MBNL3: variants seen among roughly 807,000 people sequenced by gnomAD.
MBNL3 encodes the protein muscleblind like splicing regulator 3.
Under a neutral mutation model 24.5 loss-of-function variants are expected in MBNL3, and 6 were observed. That is an observed-to-expected ratio of 0.25 (90% CI 0.13 to 0.48). The LOEUF is 0.48. MBNL3 is among the 20% of genes least tolerant of loss of function. The pLI, the probability that MBNL3 is intolerant of heterozygous loss-of-function variation, is 0.99. For missense variants in MBNL3, 230 were observed against 293.5 expected (o/e 0.78, Z 1.58); for synonymous variants, 100 against 101.7 (o/e 0.98, Z 0.10).
At chrX:132,467,960 G>A (rs746961112) in intron 1 of MBNL3, among the ~76,000 whole-genome samples, 1 of 111,808 alleles carries the variant, frequency 8.9e-6, no homozygotes, top group East Asian at 2.8e-4. Context: ...GTCAATTTTT[G>A]ACCAAGCAGA....
At chrX:132,452,822 G>A (rs1946180189) in intron 1 of MBNL3, among the ~76,000 whole-genome samples, 1 of 112,474 alleles carries the variant, frequency 8.9e-6, no homozygotes, top group Non-Finnish European at 1.9e-5. Flanking sequence ...AGTTGGGGAG[G>A]TAAGAACAAC....
At chrX:132,449,739 C>T (rs1449370765) in intron 1 of MBNL3, among the ~76,000 whole-genome samples, 1 of 110,277 alleles carries the variant, frequency 9.1e-6, no homozygotes, top group African/African-American at 3.3e-5. Flanking sequence ...GTAGTTTCTT[C>T]ATAGTGTCGA....
At chrX:132,390,265 CAAAAAAAAAAAAAA>C (rs59093044) in intron 5 of MBNL3, among the ~76,000 whole-genome samples, 16 of 31,612 alleles carry the variant, frequency 5.1e-4, no homozygotes, top group Admixed American at 3.3e-3. Flanking sequence ...ACAACAACAA[CAAAAAAAAAAAAAA>C]AAAAAAAAAA....
At position 132,440,023 on chromosome X, in the gene MBNL3, G is replaced by A. The variant is rs1429258535; in HGVS notation, c.-412C>T. Among the ~76,000 whole-genome samples the A allele has an allele frequency of 9.0e-6, 1 of 111,338 alleles. No homozygotes were observed. Among genetic ancestry groups the A allele is most frequent in the Admixed American group, 9.6e-5 (1 of 10,434 alleles). ...TTTGTGGAATGGTCTCAGATCAGGG[G>A]GAGAAAAGTTTTTCTCCCTATTTAT... On this transcript the variant is annotated 5_prime_UTR_variant, in exon 2 of 9. Transcript: ENST00000370853.
rs1345394427 is a variant in MBNL3 at position 132,375,195 on chromosome X, T to C, written c.*4471A>G. 1 of 111,869 alleles carries C rather than the reference T, an allele frequency of 8.9e-6. No homozygotes were observed. The highest frequency in any genetic ancestry group is 9.5e-5 in the Admixed American group (1 of 10,518). 9.2% of individuals were successfully genotyped at this position (111,869 alleles called of 1,213,427 possible). On this transcript the variant is annotated 3_prime_UTR_variant, in exon 9 of 9. Transcript: ENST00000370853. Reference sequence around the variant, plus strand: ...AATCACCTATAGTTTACAAGTAAAATGTTCACATACACAAATGTCTAAAGG... The same window carrying C: ...AATCACCTATAGTTTACAAGTAAAACGTTCACATACACAAATGTCTAAAGG...
At chrX:132,413,501 C>A in intron 2 of MBNL3, 1 of 1,165,768 alleles carries the variant, frequency 8.6e-7, no homozygotes, top group Non-Finnish European at 1.1e-6. Flanking sequence ...TCTTAGAAGC[C>A]CTCTCCATGG....
intron 3 of MBNL3, 41 bp downstream of exon 3, chrX:132,406,187 T>G: frequency 8.3e-7 from 1 of 1,203,211 alleles, no homozygotes; most frequent in Non-Finnish European, 1.1e-6. Flanking sequence ...ATTCCACTGT[T>G]GATCTTTATC....
At chrX:132,411,758 C>T (rs941871446) in intron 2 of MBNL3, among the ~76,000 whole-genome samples, 1 of 111,656 alleles carries the variant, frequency 9.0e-6, no homozygotes, top group Non-Finnish European at 1.9e-5. Flanking sequence ...AAATTGTTTG[C>T]ATGCTTGTCT....
rs759848625 is a variant in MBNL3, at chrX:132,439,703, G to A, written c.-92C>T. 15 of 1,055,183 alleles carry A rather than the reference G, an allele frequency of 1.4e-5. No homozygotes were observed. The Admixed American group carries it at 1.9e-4, about 13-fold the overall frequency. The allele number at this position is 1,055,183 out of a possible 1,213,427, so 87.0% of individuals were successfully genotyped here. On this transcript the variant is annotated 5_prime_UTR_variant, in exon 2 of 9. Transcript: ENST00000370853. ...TTAAAAATGAATTCAAACTAAGTGC[G>A]AAGAGATAACAGGTTGCTTTGGTGA...
chrX:132,482,751 A>G (rs1345051844), intron 1 of MBNL3, among the ~76,000 whole-genome samples: 1 of 112,475 alleles, frequency 8.9e-6, no homozygotes, highest in East Asian at 2.8e-4. Flanking sequence ...AAGTCCCGCC[A>G]AAATCCAAGG....
At chrX:132,470,435 A>G (rs1267519498) in intron 1 of MBNL3, among the ~76,000 whole-genome samples, 2 of 111,310 alleles carry the variant, frequency 1.8e-5, no homozygotes, top group African/African-American at 6.5e-5. Flanking sequence ...AAGGAGAGTG[A>G]AATAGGAAAG....
chrX:132,398,016 C>T (rs141100359), intron 3 of MBNL3, among the ~76,000 whole-genome samples: 174 of 111,017 alleles, frequency 1.6e-3, no homozygotes, highest in South Asian at 2.7e-3. Flanking sequence ...GTCCCCATGG[C>T]TCTAGAGAGA....
At chrX:132,419,943 G>A (rs745908824) in intron 2 of MBNL3, among the ~76,000 whole-genome samples, 8 of 111,798 alleles carry the variant, frequency 7.2e-5, no homozygotes, top group Non-Finnish European at 1.5e-4. Flanking sequence ...TTTTTAAAAT[G>A]AGAAGATCAC....
intron 1 of MBNL3, among the ~76,000 whole-genome samples, chrX:132,475,818 C>CA (rs1173997821): frequency 1.8e-5 from 2 of 111,622 alleles, no homozygotes; most frequent in East Asian, 5.6e-4. Context: ...GAGCCAAAGT[C>CA]AAACTGCCTG....
chrX:132,484,066 C>T (rs1393722001), intron 1 of MBNL3, among the ~76,000 whole-genome samples: 2 of 110,559 alleles, frequency 1.8e-5, no homozygotes, highest in Admixed American at 9.6e-5. Flanking sequence ...GACTGATATC[C>T]CTGGGATGTG....
intron 2 of MBNL3, among the ~76,000 whole-genome samples, chrX:132,437,152 T>G (rs988187829): frequency 6.3e-5 from 7 of 111,850 alleles, no homozygotes; most frequent in African/African-American, 2.3e-4. Context: ...TGCCTTTAAA[T>G]GGAATTACTG....
At chrX:132,419,314 A>G (rs1943582085) in intron 2 of MBNL3, among the ~76,000 whole-genome samples, 1 of 111,754 alleles carries the variant, frequency 8.9e-6, no homozygotes, top group Admixed American at 9.5e-5. Context: ...GAGAACCGAT[A>G]GAAGTAGGAC....
At chrX:132,477,428 A>C (rs1268110575) in intron 1 of MBNL3, among the ~76,000 whole-genome samples, 1 of 112,128 alleles carries the variant, frequency 8.9e-6, no homozygotes, top group Non-Finnish European at 1.9e-5. Context: ...CAAGTCTCAA[A>C]GTTGAGGAAG....
At position 132,370,911 on chromosome X, in the gene MBNL3, A is replaced by C. The variant is rs1235486046; in HGVS notation, c.*8755T>G. The C allele has an allele frequency of 8.9e-6, 1 of 111,738 alleles. No homozygotes were observed. Among genetic ancestry groups the C allele is most frequent in the African/African-American group, 3.3e-5 (1 of 30,709 alleles). The allele number at this position is 111,738 out of a possible 1,213,427, so 9.2% of individuals were successfully genotyped here. On this transcript the variant is annotated 3_prime_UTR_variant, in exon 9 of 9. Coordinates refer to ENST00000370853, the MANE Select transcript of MBNL3 (RefSeq NM_001386889.1). ...GGGTCAACTTTCTTCCAGCCAATAG[A>C]AACTCCAAGTCTCCAATTTGATGAT...
Sources: gnomAD v4.1 joint callset for allele counts (sites outside exome capture counted in the v4.1 genomes callset) on GRCh38, gnomAD v4.1.1 for gene constraint, MANE v1.5 for transcripts, NCBI Gene and HGNC (gene_info 2026-07-23, HGNC 2026-07-21) for gene names.